The following HESX1 variants were observed in gnomAD, a reference collection of about 807,000 sequenced individuals.
HESX1 encodes homeobox expressed in ES cells 1.
HESX1 carries 11 observed loss-of-function variants against 22.5 expected under a neutral mutation model. The ratio of observed to expected loss-of-function variants is 0.49; its 90% CI spans 0.31 to 0.81. HESX1 has a LOEUF of 0.81. Among genes scored for constraint, HESX1 ranks in the 30% least tolerant of loss-of-function variants. The pLI is 0.05. For synonymous variants in HESX1, 74 were observed against 76.5 expected, an observed-to-expected ratio of 0.97 and a Z score of 0.17; for missense variants, 201 against 212.6, an observed-to-expected ratio of 0.95 and a Z score of 0.34.
chr3:57,201,063 T>C (rs2060482744), upstream of HESX1, among the ~76,000 whole-genome samples: 1 of 152,226 alleles, frequency 6.6e-6, no homozygotes, highest in African/African-American at 2.4e-5. Flanking sequence ...AGTGCTTAGC[T>C]TTATTCATTA....
rs2060473676 is a variant in HESX1 at position 57,199,832 on chromosome 3, C to T, written c.87G>A (p.Leu29=). Residue 29 remains leucine (L), a synonymous_variant, in exon 1 of 4, where the codon CTG becomes CTA. Coordinates refer to ENST00000295934, the MANE Select transcript of HESX1 (RefSeq NM_003865.3). ...ATGGAACACAGTCTTTCTTCTGGTC[C>T]AGTCCTAAGATTCTCTCAATTGAAA... The part of the protein sequence containing the change: ...CSFSIERILG[L]DQKKDCVPLM... 1.2e-6 allele frequency: 2 copies of T among 1,614,054 alleles called. No individual in the cohort carries two copies. The highest frequency in any genetic ancestry group is 1.7e-6 in the Non-Finnish European group (2 of 1,179,992).
At chr3:57,225,865 A>ACTTTT (rs1365370761) in intron 1 of HESX1, among the ~76,000 whole-genome samples, 11 of 147,842 alleles carry the variant, frequency 7.4e-5, no homozygotes, top group South Asian at 6.5e-4. Flanking sequence ...GGTAACAAAT[A>ACTTTT]CTTTTCTTTT....
intron 1 of HESX1, among the ~76,000 whole-genome samples, chr3:57,220,697 C>G (rs2060610904): frequency 6.6e-6 from 1 of 152,172 alleles, no homozygotes. Flanking sequence ...TCCCAAAGTG[C>G]TGGGATTACA....
At chr3:57,208,295 C>T (rs1318594635) in intron 1 of HESX1, among the ~76,000 whole-genome samples, 1 of 152,028 alleles carries the variant, frequency 6.6e-6, no homozygotes, top group Non-Finnish European at 1.5e-5. Context: ...CTTAACTTGT[C>T]AATGTTATGT....
upstream of HESX1, chr3:57,200,178 A>G: frequency 2.0e-6 from 1 of 492,816 alleles, no homozygotes; most frequent in Non-Finnish European, 3.7e-6. Flanking sequence ...GGCCACCTAC[A>G]GGGACAAAAA....
At chr3:57,211,768 C>T (rs573848740) in intron 1 of HESX1, among the ~76,000 whole-genome samples, 5 of 151,398 alleles carry the variant, frequency 3.3e-5, no homozygotes, top group East Asian at 1.9e-4. Context: ...AGGAGGTAGA[C>T]GTTGCAGTGA....
chr3:57,225,831 T>G (rs969346853), intron 1 of HESX1, among the ~76,000 whole-genome samples: 1 of 152,120 alleles, frequency 6.6e-6, no homozygotes, highest in African/African-American at 2.4e-5. Flanking sequence ...TCATCGGAAT[T>G]ATTTGGTTTG....
At chr3:57,211,804 G>A (rs980007146) in intron 1 of HESX1, among the ~76,000 whole-genome samples, 2 of 151,756 alleles carry the variant, frequency 1.3e-5, no homozygotes, top group African/African-American at 2.4e-5. Flanking sequence ...CTGCACTCCA[G>A]CTTGGACGAC....
intron 1 of HESX1, among the ~76,000 whole-genome samples, chr3:57,219,429 G>A (rs992163298): frequency 4.0e-5 from 6 of 151,662 alleles, no homozygotes; most frequent in Admixed American, 1.3e-4. Context: ...GTGCAGTGGC[G>A]TGGTCTTGGC....
At chr3:57,207,438 T>A (rs9823350) in intron 1 of HESX1, among the ~76,000 whole-genome samples, 1 of 152,090 alleles carries the variant, frequency 6.6e-6, no homozygotes, top group Non-Finnish European at 1.5e-5. Flanking sequence ...GTCTGGATTG[T>A]GGACAAGATG....
intron 1 of HESX1, among the ~76,000 whole-genome samples, chr3:57,213,246 AG>A (rs1217072490): frequency 6.6e-6 from 1 of 152,176 alleles, no homozygotes; most frequent in East Asian, 1.9e-4. Context: ...GCACACATGC[AG>A]GGGTGCACGG....
Position 57,198,908 on chromosome 3 carries a change from C to T in HESX1, c.202G>A (p.Gly68Arg), listed in dbSNP as rs748384575. The part of the protein sequence containing the change: ...LCLHVPNPPS[G>R]ISFPSVVDHP... ...TCCACCACGCTAGGGAATGAAATCC[C>T]ACTGGGAGGATTTGGGACATGTAGA... is the stretch of plus-strand genomic sequence containing the variant. The change falls in exon 2 of 4, where the codon GGG (glycine) becomes AGG (arginine). Residue 68 changes from glycine to arginine, a missense_variant. Coordinates refer to ENST00000295934, the MANE Select transcript of HESX1 (RefSeq NM_003865.3). The T allele has an allele frequency of 2.5e-6, 4 of 1,613,986 alleles. No homozygotes were observed. Among genetic ancestry groups the T allele is most frequent in the African/African-American group, 1.3e-5 (1 of 74,912 alleles).
At chr3:57,214,959 C>A (rs1342522549) in intron 1 of HESX1, among the ~76,000 whole-genome samples, 1 of 152,078 alleles carries the variant, frequency 6.6e-6, no homozygotes, top group Non-Finnish European at 1.5e-5. Flanking sequence ...ATTATATACA[C>A]AAATGGGCAA....
intron 1 of HESX1, among the ~76,000 whole-genome samples, chr3:57,218,053 A>G (rs763719186): frequency 1.3e-5 from 2 of 152,188 alleles, no homozygotes; most frequent in Non-Finnish European, 2.9e-5. Flanking sequence ...TTAAGGCTGC[A>G]TTAGTATTCA....
intron 1 of HESX1, among the ~76,000 whole-genome samples, chr3:57,205,528 T>A (rs572600028): frequency 1.3e-5 from 2 of 152,228 alleles, no homozygotes; most frequent in East Asian, 3.9e-4. Flanking sequence ...TACTCCTCCC[T>A]CCCATGTTCA....
At position 57,198,438 on chromosome 3, in the gene HESX1, T is replaced by C; in HGVS notation, c.412A>G (p.Arg138Gly). The C allele has an allele frequency of 6.2e-7, 1 of 1,608,302 alleles. No individual in the cohort carries two copies. Among genetic ancestry groups the C allele is most frequent in the Non-Finnish European group, 8.5e-7 (1 of 1,175,118 alleles). ...RVNCYPGIDIREDLAQKLNLE... is the reference protein window; with the variant it reads ...RVNCYPGIDIGEDLAQKLNLE... ...TTCAATTTTTGAGCTAAGTCTTCTC[T>C]AATATCGATACCAGGATAGCAGTTT... Residue 138 changes from arginine (R) to glycine (G), a missense_variant, in exon 3 of 4, where the codon AGA (arginine) becomes GGA (glycine). Coordinates refer to ENST00000295934, the MANE Select transcript of HESX1 (RefSeq NM_003865.3).
chr3:57,204,410 T>C (rs886752259), upstream of HESX1, among the ~76,000 whole-genome samples: 1 of 152,050 alleles, frequency 6.6e-6, no homozygotes, highest in Admixed American at 6.6e-5. Context: ...TGCTGATGGA[T>C]TGGATAGGGA....
rs759180706 is a variant in HESX1, at chr3:57,198,221, AT to A, written c.533del (p.Asn178IlefsTer10). 20 of 1,610,282 alleles carry A rather than the reference AT, an allele frequency of 1.2e-5. No individual in the cohort carries two copies. Among genetic ancestry groups the A allele is most frequent in the Middle Eastern group, 1.6e-4 (1 of 6,070 alleles). ...RESQFLMAKK[N>X]FNTNLLE ...TCTATTCCAGCAGATTTGTGTTGAA[AT>A]TTTTTTTCGCCATTAGAAACTGTGA... On this transcript the variant is annotated frameshift_variant, in exon 4 of 4. Transcript: ENST00000295934. LOFTEE classifies it high-confidence loss of function.
intron 1 of HESX1, among the ~76,000 whole-genome samples, chr3:57,216,296 T>C (rs1023829333): frequency 6.6e-5 from 10 of 152,174 alleles, no homozygotes; most frequent in African/African-American, 2.4e-4. Context: ...GTCAGCTACT[T>C]TGTAGAATGT....
Sources: allele counts gnomAD v4.1 joint callset (sites outside exome capture counted in the v4.1 genomes callset), GRCh38; gene constraint gnomAD v4.1.1; transcripts MANE v1.5; gene names NCBI Gene and HGNC (gene_info 2026-07-23, HGNC 2026-07-21).